CCNY: variants seen among roughly 807,000 people sequenced by gnomAD.
CCNY encodes the protein cyclin-Y.
CCNY carries 19 observed loss-of-function variants against 42.8 expected under a neutral mutation model. The ratio of observed to expected loss-of-function variants is 0.44; its 90% CI spans 0.31 to 0.65. CCNY has a LOEUF of 0.65. Among genes scored for constraint, CCNY ranks in the 30% least tolerant of loss-of-function variants. CCNY has a pLI of 0.07. For synonymous variants in CCNY, 165 were observed against 162.7 expected, an observed-to-expected ratio of 1.01 and a Z score of -0.11; for missense variants, 370 against 437.3, an observed-to-expected ratio of 0.85 and a Z score of 1.37.
At chr10:35,502,486 G>A (rs1251332329) in intron 3 of CCNY, among the ~76,000 whole-genome samples, 2 of 152,178 alleles carry the variant, frequency 1.3e-5, no homozygotes, top group Admixed American at 1.3e-4. Context: ...ACAAAATGCA[G>A]TTGGGAAGAA....
intron 3 of CCNY, among the ~76,000 whole-genome samples, chr10:35,259,581 C>A (rs1472380360): frequency 7.0e-6 from 1 of 143,872 alleles, no homozygotes; most frequent in South Asian, 2.2e-4. Flanking sequence ...TGGCTCACTG[C>A]AACCTCCACC....
chr10:35,331,127 G>A (rs1240766994), intron 3 of CCNY, among the ~76,000 whole-genome samples: 2 of 152,212 alleles, frequency 1.3e-5, no homozygotes, highest in Non-Finnish European at 2.9e-5. Flanking sequence ...ACTTAGTCCT[G>A]TGGCCAGCTG....
intron 2 of CCNY, among the ~76,000 whole-genome samples, chr10:35,250,193 C>CAAATA (rs2095710891): frequency 2.6e-5 from 2 of 77,812 alleles, no homozygotes; most frequent in Admixed American, 3.2e-4. Context: ...GACTCCATCT[C>CAAATA]AAAAAAAAAA....
At chr10:35,271,028 G>T (rs1835161839) in intron 3 of CCNY, among the ~76,000 whole-genome samples, 1 of 152,008 alleles carries the variant, frequency 6.6e-6, no homozygotes, top group Admixed American at 6.6e-5. Context: ...CTTGGCCTTG[G>T]TATATTTTTA....
At chr10:35,332,574 A>G (rs1379934094), upstream of CCNY, 1 of 152,234 alleles carries the variant, frequency 6.6e-6, no homozygotes, top group African/African-American at 2.4e-5. Flanking sequence ...CTATTGCTAA[A>G]AAAGTGTCAA....
intron 1 of CCNY, among the ~76,000 whole-genome samples, chr10:35,472,465 T>C (rs1839409490): frequency 6.6e-6 from 1 of 152,218 alleles, no homozygotes; most frequent in Non-Finnish European, 1.5e-5. Context: ...TTTTCTCCTC[T>C]AGTACCTTAT....
In CCNY at chr10:35,324,542, T is replaced by C. The variant is rs538439342; in HGVS notation, c.-9+73916T>C. 2.2e-4 allele frequency among the ~76,000 whole-genome samples: 33 copies of C among 152,304 alleles called. 1 individual carries two copies. The East Asian group carries it at 6.2e-3, about 28-fold the overall frequency. On this transcript the variant is annotated intron_variant, in intron 3 of 11. Coordinates refer to the CCNY transcript ENST00000374706. Reference sequence around the variant, plus strand: ...GGTATCTACTGTGGTCTCAAGGAGCTGAAGATCTCATTGAAAAGAGTTTGT... The same window carrying C: ...GGTATCTACTGTGGTCTCAAGGAGCCGAAGATCTCATTGAAAAGAGTTTGT...
At chr10:35,340,269 G>T (rs1258343228) in intron 1 of CCNY, among the ~76,000 whole-genome samples, 1 of 152,172 alleles carries the variant, frequency 6.6e-6, no homozygotes, top group Admixed American at 6.5e-5. Context: ...CTGGGATAGG[G>T]TGTCTTGTCA....
At chr10:35,287,867 G>A (rs1380123614) in intron 3 of CCNY, among the ~76,000 whole-genome samples, 1 of 151,958 alleles carries the variant, frequency 6.6e-6, no homozygotes, top group Non-Finnish European at 1.5e-5. Flanking sequence ...TGTTGGCCAC[G>A]CTGCTCTCGA....
At chr10:35,448,357 G>T (rs955581065) in intron 1 of CCNY, among the ~76,000 whole-genome samples, 1 of 152,170 alleles carries the variant, frequency 6.6e-6, no homozygotes, top group East Asian at 1.9e-4. Context: ...GAGCCAGGCT[G>T]CCTGAGTTGG....
At chr10:35,379,327 T>C (rs1219701864) in intron 1 of CCNY, among the ~76,000 whole-genome samples, 6 of 151,962 alleles carry the variant, frequency 3.9e-5, no homozygotes, top group African/African-American at 1.5e-4. Flanking sequence ...TTCCTGCAAG[T>C]GCCAAAGGAG....
At chr10:35,567,258 G>C (rs1230309705) in intron 9 of CCNY, among the ~76,000 whole-genome samples, 6 of 152,202 alleles carry the variant, frequency 3.9e-5, no homozygotes, top group Non-Finnish European at 8.8e-5. Context: ...AGCACCACTG[G>C]TCTTGGTCTG....
At chr10:35,251,793 T>C (rs2095712243) in intron 3 of CCNY, among the ~76,000 whole-genome samples, 1 of 151,582 alleles carries the variant, frequency 6.6e-6, no homozygotes, top group South Asian at 2.1e-4. Context: ...TTCATTATGT[T>C]GCCCGGGCTG....
At chr10:35,359,213 C>T (rs1030267148) in intron 1 of CCNY, among the ~76,000 whole-genome samples, 8 of 152,184 alleles carry the variant, frequency 5.3e-5, no homozygotes, top group Non-Finnish European at 1.2e-4. Flanking sequence ...TTTGCCTCCC[C>T]CTGTCCTGTC....
At chr10:35,437,217 A>G (rs1838556424) in intron 1 of CCNY, among the ~76,000 whole-genome samples, 1 of 152,220 alleles carries the variant, frequency 6.6e-6, no homozygotes, top group Admixed American at 6.5e-5. Context: ...AAATCATATC[A>G]GTGTCACTTG....
At chr10:35,376,166 C>T (rs1837047551) in intron 1 of CCNY, among the ~76,000 whole-genome samples, 1 of 152,152 alleles carries the variant, frequency 6.6e-6, no homozygotes, top group African/African-American at 2.4e-5. Context: ...TTTTTGGTCA[C>T]AGGACACCAT....
At chr10:35,355,893 A>G (rs1836538854) in intron 1 of CCNY, among the ~76,000 whole-genome samples, 1 of 151,328 alleles carries the variant, frequency 6.6e-6, no homozygotes, top group African/African-American at 2.4e-5. Flanking sequence ...AACATCTGTC[A>G]GCTTTCCTAT....
At chr10:35,494,812 A>G (rs558849737) in intron 2 of CCNY, among the ~76,000 whole-genome samples, 10 of 152,372 alleles carry the variant, frequency 6.6e-5, no homozygotes, top group African/African-American at 2.4e-4. Flanking sequence ...TTCATATGCA[A>G]AAGTACACAT....
At chr10:35,439,995 G>A (rs1453665756) in intron 1 of CCNY, among the ~76,000 whole-genome samples, 1 of 151,934 alleles carries the variant, frequency 6.6e-6, no homozygotes, top group East Asian at 1.9e-4. Context: ...TGAAAGTCCT[G>A]GCCCCCTACT....
Sources: gnomAD v4.1 joint callset for allele counts (sites outside exome capture counted in the v4.1 genomes callset) on GRCh38, gnomAD v4.1.1 for gene constraint, MANE v1.5 for transcripts, NCBI Gene and HGNC (gene_info 2026-07-23, HGNC 2026-07-21) for gene names.